SYNPR: variants seen among roughly 807,000 people sequenced by gnomAD.
SYNPR encodes synaptoporin.
A neutral mutation model predicts 32.9 loss-of-function variants in SYNPR; 23 were observed. The ratio of observed to expected loss-of-function variants is 0.70; its 90% CI spans 0.50 to 0.99. The LOEUF is 0.99. SYNPR is among the 50% of genes least tolerant of loss of function. SYNPR has a pLI of 0.00. For synonymous variants in SYNPR, 146 were observed against 135.9 expected, an observed-to-expected ratio of 1.07 and a Z score of -0.52; for missense variants, 318 against 349.3, an observed-to-expected ratio of 0.91 and a Z score of 0.71.
At chr3:63,245,234 A>T (rs1485354887) in intron 1 of SYNPR, among the ~76,000 whole-genome samples, 1 of 152,076 alleles carries the variant, frequency 6.6e-6, no homozygotes, top group Non-Finnish European at 1.5e-5. Context: ...CCTGAATCAC[A>T]ATAAAGCAAT....
At chr3:63,535,686 T>C (rs1296406050) in intron 3 of SYNPR, among the ~76,000 whole-genome samples, 3 of 149,598 alleles carry the variant, frequency 2.0e-5, no homozygotes. Flanking sequence ...GAGAAAAAAA[T>C]AGTCTTTTCA....
rs1700281920 is a variant in SYNPR, at chr3:63,616,627, T to C, written c.*1146T>C. ...ATGCCACTCTGTACCCCAAAGAGAGTTCTCATGAAATATTCTCCAGAATGT... is the reference window on the plus strand; with the variant it reads ...ATGCCACTCTGTACCCCAAAGAGAGCTCTCATGAAATATTCTCCAGAATGT... On this transcript the variant is annotated 3_prime_UTR_variant, in exon 6 of 6. Coordinates refer to ENST00000478300, the MANE Select transcript of SYNPR (RefSeq NM_001130003.2). 6.6e-6 allele frequency: 1 copy of C among 152,578 alleles called. No individual in the cohort carries two copies. The highest frequency in any genetic ancestry group is 1.5e-5 in the Non-Finnish European group (1 of 68,026). 9.5% of individuals were successfully genotyped at this position (152,578 alleles called of 1,614,324 possible).
intron 2 of SYNPR, among the ~76,000 whole-genome samples, chr3:63,335,766 C>CTTTTTTTTTTTTTTTTTTTTTTTTTTT (rs3082128): frequency 2.2e-5 from 2 of 91,470 alleles, no homozygotes; most frequent in African/African-American, 4.9e-5. Flanking sequence ...TATTAGCTTC[C>CTTTTTTTTTTTTTTTTTTTTTTTTTTT]TTTTTTTTTT....
chr3:63,361,318 T>C (rs2087656954), intron 2 of SYNPR, among the ~76,000 whole-genome samples: 3 of 152,118 alleles, frequency 2.0e-5, no homozygotes, highest in Admixed American at 2.0e-4. Flanking sequence ...CCAGGCTCGG[T>C]GGCTCACGCC....
rs113069613 is a variant in SYNPR at position 63,608,570 on chromosome 3, C to A, written c.409-555C>A. On this transcript the variant is annotated intron_variant, in intron 4 of 5. Coordinates refer to ENST00000478300, the MANE Select transcript of SYNPR (RefSeq NM_001130003.2). ...TGGTTAACCAATAACATATAGATAA[C>A]ACATTGGTTTGTTAAGTGAACAAAC... Among the ~76,000 whole-genome samples the A allele has an allele frequency of 2.6e-5, 4 of 152,206 alleles. 2 individuals are homozygous for A. Among genetic ancestry groups the A allele is most frequent in the African/African-American group, 9.6e-5 (4 of 41,536 alleles).
At chr3:63,336,019 G>A (rs368633572) in intron 2 of SYNPR, among the ~76,000 whole-genome samples, 74 of 152,004 alleles carry the variant, frequency 4.9e-4, no homozygotes, top group Admixed American at 1.6e-3. Flanking sequence ...CAGGTGATCC[G>A]CCTGCCTCGG....
intron 2 of SYNPR, among the ~76,000 whole-genome samples, chr3:63,349,569 A>G (rs2087479033): frequency 6.6e-6 from 1 of 152,104 alleles, no homozygotes; most frequent in Non-Finnish European, 1.5e-5. Flanking sequence ...TTTTGTAGCT[A>G]TTGTAAATGG....
intron 4 of SYNPR, among the ~76,000 whole-genome samples, chr3:63,597,660 A>G (rs1431767455): frequency 6.6e-6 from 1 of 152,158 alleles, no homozygotes. Context: ...TAAACAGGGA[A>G]CCCAATGTCC....
intron 4 of SYNPR, among the ~76,000 whole-genome samples, chr3:63,607,064 C>G (rs1553652096): frequency 1.3e-5 from 2 of 152,134 alleles, no homozygotes; most frequent in Non-Finnish European, 2.9e-5. Context: ...CATGACTATT[C>G]TTTTTTAAGT....
intron 4 of SYNPR, among the ~76,000 whole-genome samples, chr3:63,587,945 T>C (rs1322081634): frequency 6.6e-6 from 1 of 152,062 alleles, no homozygotes; most frequent in East Asian, 1.9e-4. Flanking sequence ...AGTGTGGTTG[T>C]TTGAAAAAAT....
intron 2 of SYNPR, among the ~76,000 whole-genome samples, chr3:63,349,124 A>C (rs978383758): frequency 6.7e-6 from 1 of 150,246 alleles, no homozygotes; most frequent in African/African-American, 2.4e-5. Context: ...TTTTTTTGAG[A>C]TGGAGTCTCT....
intron 1 of SYNPR, among the ~76,000 whole-genome samples, chr3:63,232,817 G>C (rs2086176019): frequency 6.6e-6 from 1 of 152,096 alleles, no homozygotes; most frequent in Non-Finnish European, 1.5e-5. Context: ...ATTTGATATA[G>C]TCATTTGATT....
intron 3 of SYNPR, among the ~76,000 whole-genome samples, chr3:63,540,709 T>C (rs758169084): frequency 1.3e-5 from 2 of 151,948 alleles, no homozygotes; most frequent in Non-Finnish European, 2.9e-5. Context: ...ACTAGACAAA[T>C]ATGTATTGGG....
chr3:63,494,450 C>CATATAT (rs1286322808), intron 3 of SYNPR, among the ~76,000 whole-genome samples: 1 of 86,794 alleles, frequency 1.2e-5, no homozygotes, highest in Non-Finnish European at 2.3e-5. Flanking sequence ...TATATATACA[C>CATATAT]ATATATATAC....
At chr3:63,450,958 A>G (rs1700370033) in intron 2 of SYNPR, among the ~76,000 whole-genome samples, 1 of 152,198 alleles carries the variant, frequency 6.6e-6, no homozygotes, top group Non-Finnish European at 1.5e-5. Context: ...ACTATCTTCT[A>G]CCTGCATTGC....
intron 2 of SYNPR, among the ~76,000 whole-genome samples, chr3:63,385,075 C>T (rs1430131387): frequency 6.6e-6 from 1 of 152,132 alleles, no homozygotes; most frequent in Non-Finnish European, 1.5e-5. Flanking sequence ...AAACTTCAGT[C>T]ATCTACCCTA....
chr3:63,295,506 G>T (rs116329839), intron 2 of SYNPR, among the ~76,000 whole-genome samples: 142 of 152,220 alleles, frequency 9.3e-4, no homozygotes, highest in Non-Finnish European at 1.6e-3. Flanking sequence ...CGCTCCCAGA[G>T]ATTCAATTCC....
chr3:63,411,315 A>G (rs2088461888), intron 2 of SYNPR, among the ~76,000 whole-genome samples: 1 of 152,144 alleles, frequency 6.6e-6, no homozygotes, highest in Admixed American at 6.5e-5. Context: ...CTGCTGGCCT[A>G]TGTCCTCTTA....
rs61299069 is a variant in SYNPR at position 63,606,417 on chromosome 3, C to CTTTTTTTTTTT, written c.409-2696_409-2686dup. On this transcript the variant is annotated intron_variant, in intron 4 of 5. Transcript: ENST00000478300. ...AATTAAGCAGGACCTCAAATCCTTT[C>CTTTTTTTTTTT]TTTTTTTTTTTTTTTTTTTTTTAGC... Among the ~76,000 whole-genome samples, 194 of 68,268 alleles carry CTTTTTTTTTTT rather than the reference C, an allele frequency of 2.8e-3. 30 individuals carry two copies. The highest frequency in any genetic ancestry group is 5.6e-3 in the South Asian group (8 of 1,434). 44.8% of individuals were successfully genotyped at this position (68,268 alleles called of 152,430 possible).
Sources: allele counts gnomAD v4.1 joint callset (sites outside exome capture counted in the v4.1 genomes callset), GRCh38; gene constraint gnomAD v4.1.1; transcripts MANE v1.5; gene names NCBI Gene and HGNC (gene_info 2026-07-23, HGNC 2026-07-21).